Variants in SPMIP4 observed in about 807,000 individuals in gnomAD.
SPMIP4 encodes the protein sperm microtubule inner protein 4.
the SPMIP4 span, among the ~76,000 whole-genome samples, chr7:25,146,122 G>A: frequency 3.9e-5 from 6 of 152,060 alleles, no homozygotes; most frequent in African/African-American, 1.2e-4. Context: ...AAGGCACTTC[G>A]TTCATTTACA....
At chr7:25,136,751 C>T in the SPMIP4 span, 6 of 1,614,026 alleles carry the variant, frequency 3.7e-6, no homozygotes, top group South Asian at 6.6e-5. This position sits in a 1 kb window ranked among gnomAD's most constrained non-coding sequence, Gnocchi z 5.7. Context: ...ATTCGTCCTT[C>T]CAACGGTCTG....
chr7:25,146,737 T>A, the SPMIP4 span, among the ~76,000 whole-genome samples: 1 of 152,210 alleles, frequency 6.6e-6, no homozygotes, highest in Non-Finnish European at 1.5e-5. Flanking sequence ...TGGGTTGTAA[T>A]GAACACTGTG....
the SPMIP4 span, among the ~76,000 whole-genome samples, chr7:25,144,928 CAG>C: frequency 1.3e-5 from 2 of 151,174 alleles, no homozygotes; most frequent in African/African-American, 4.9e-5. Flanking sequence ...TCATTATTTG[CAG>C]AGCCAGTTTA....
At chr7:25,137,083 C>G in the SPMIP4 span, among the ~76,000 whole-genome samples, 1 of 152,194 alleles carries the variant, frequency 6.6e-6, no homozygotes, top group African/African-American at 2.4e-5. Context: ...AAAGCAATCA[C>G]TGGAATAAAA....
At chr7:25,180,317 G>A in the SPMIP4 span, 1 of 152,338 alleles carries the variant, frequency 6.6e-6, no homozygotes, top group African/African-American at 2.4e-5. Context: ...GAGAGTGAAC[G>A]GAGTGCGAGG....
chr7:25,172,687 G>A, the SPMIP4 span, among the ~76,000 whole-genome samples: 442 of 152,288 alleles, frequency 2.9e-3, 1 homozygote, highest in African/African-American at 0.01. This position sits in a 1 kb window ranked among gnomAD's most constrained non-coding sequence, Gnocchi z 4.2. Flanking sequence ...CCCTATCCTT[G>A]TCCTGGGAAC....
the SPMIP4 span, among the ~76,000 whole-genome samples, chr7:25,174,092 G>A: frequency 3.9e-4 from 60 of 152,250 alleles, no homozygotes; most frequent in Middle Eastern, 3.4e-3. The surrounding 1 kb of genome is among the most constrained non-coding windows in gnomAD (Gnocchi z 4.5). Flanking sequence ...ATTGCTTTCT[G>A]ATTCTTAAAC....
the SPMIP4 span, among the ~76,000 whole-genome samples, chr7:25,175,558 A>G: frequency 3.3e-5 from 5 of 152,210 alleles, no homozygotes; most frequent in Non-Finnish European, 7.3e-5. Flanking sequence ...TATGGCCTAC[A>G]TGATCTAAGT....
chr7:25,176,422 T>C, the SPMIP4 span, among the ~76,000 whole-genome samples: 4 of 152,354 alleles, frequency 2.6e-5, no homozygotes, highest in East Asian at 1.9e-4. The surrounding 1 kb of genome is among the most constrained non-coding windows in gnomAD (Gnocchi z 4.4). Context: ...CTCTGCCTAA[T>C]GTGATAACCC....
chr7:25,142,478 T>G, the SPMIP4 span: 1 of 852,670 alleles, frequency 1.2e-6, no homozygotes, highest in African/African-American at 1.7e-5. Context: ...CAGCTACCTA[T>G]GAAGAGAAAT....
At chr7:25,135,014 T>C in the SPMIP4 span, 1 of 813,102 alleles carries the variant, frequency 1.2e-6, no homozygotes, top group Non-Finnish European at 1.5e-6. Context: ...AATGACATGT[T>C]GGTCATAAAA....
chr7:25,179,833 G>A, the SPMIP4 span: 1 of 152,404 alleles, frequency 6.6e-6, no homozygotes, highest in African/African-American at 2.4e-5. Context: ...AACTGCGTCG[G>A]GGAGAATCCC....
the SPMIP4 span, among the ~76,000 whole-genome samples, chr7:25,131,747 G>A: frequency 6.6e-6 from 1 of 152,304 alleles, no homozygotes; most frequent in South Asian, 2.1e-4. This position sits in a 1 kb window ranked among gnomAD's most constrained non-coding sequence, Gnocchi z 4.2. Flanking sequence ...AGCTCTATTA[G>A]AAGCCATGGG....
At chr7:25,179,083 C>A in the SPMIP4 span, 2 of 1,226,368 alleles carry the variant, frequency 1.6e-6, no homozygotes, top group African/African-American at 1.6e-5. Flanking sequence ...CAGAAGAGCC[C>A]CAGAACAATA....
chr7:25,161,286 A>G, the SPMIP4 span: 5 of 1,311,080 alleles, frequency 3.8e-6, no homozygotes, highest in Non-Finnish European at 5.3e-6. Context: ...AGATTAAATT[A>G]AACATGTTTT....
the SPMIP4 span, among the ~76,000 whole-genome samples, chr7:25,131,528 C>T: frequency 6.6e-6 from 1 of 152,310 alleles, no homozygotes; most frequent in South Asian, 2.1e-4. The surrounding 1 kb of genome is among the most constrained non-coding windows in gnomAD (Gnocchi z 4.2). Context: ...CTATGCCAGA[C>T]TGGTCATATT....
chr7:25,159,260 G>A, the SPMIP4 span, among the ~76,000 whole-genome samples: 1 of 152,190 alleles, frequency 6.6e-6, no homozygotes, highest in African/African-American at 2.4e-5. Context: ...CCTTTGCTCT[G>A]TGTTGCTGAT....
chr7:25,155,272 A>T, the SPMIP4 span: 1 of 1,298,504 alleles, frequency 7.7e-7, no homozygotes, highest in South Asian at 1.6e-5. Context: ...TCAAAAATTT[A>T]TTGGGACCCT....
the SPMIP4 span, chr7:25,135,629 A>T: frequency 1.2e-6 from 1 of 862,496 alleles, no homozygotes; most frequent in Non-Finnish European, 1.4e-6. Context: ...CCAGCTTTTC[A>T]ATTTTTTTTG....
Sources: gnomAD v4.1 joint callset for allele counts (sites outside exome capture counted in the v4.1 genomes callset) on GRCh38, gnomAD v4.1.1 for gene constraint, Gnocchi (gnomAD v3.1) non-coding constraint, MANE v1.5 for transcripts, NCBI Gene and HGNC (gene_info 2026-07-23, HGNC 2026-07-21) for gene names.